The following GPHN variants were observed in gnomAD, a reference collection of about 807,000 sequenced individuals.
The protein encoded by GPHN is gephyrin.
A neutral mutation model predicts 95.5 loss-of-function variants in GPHN; 17 were observed. The ratio of observed to expected loss-of-function variants is 0.18; its 90% CI spans 0.12 to 0.27. The LOEUF (loss-of-function observed/expected upper bound fraction) is 0.27, where lower values mean the gene tolerates loss of function less well. Among genes scored for constraint, GPHN ranks in the 10% least tolerant of loss-of-function variants. GPHN has a pLI of 1.00. For missense variants in GPHN, 660 were observed against 978.1 expected (o/e 0.67, Z 4.34); for synonymous variants, 320 against 322.5 (o/e 0.99, Z 0.08).
chr14:67,620,080 C>T, the GPHN span: 3 of 1,605,508 alleles, frequency 1.9e-6, no homozygotes, highest in Non-Finnish European at 1.7e-6. Flanking sequence ...CCCGTTCTCA[C>T]AAGGGCAGGT....
chr14:67,027,850 C>T lies in GPHN; in HGVS notation c.1006+4175C>T, dbSNP rs189348364. Among the ~76,000 whole-genome samples the T allele has an allele frequency of 1.0e-3, 155 of 152,124 alleles. 1 individual carries two copies. In the Middle Eastern group the frequency reaches 0.017, roughly 17 times the overall value. On this transcript the variant is annotated intron_variant, in intron 10 of 22. Coordinates refer to ENST00000478722, the MANE Select transcript of GPHN (RefSeq NM_020806.5). ...TCAGGGTATTTGGGATATCCATCAC[C>T]TCTTGAGCATTTATCATTTCTTCAT... is the stretch of plus-strand genomic sequence containing the variant.
intron 17 of GPHN, among the ~76,000 whole-genome samples, chr14:67,125,191 A>G (rs993300156): frequency 8.5e-5 from 13 of 152,182 alleles, no homozygotes; most frequent in African/African-American, 2.9e-4. Flanking sequence ...GAAGGGGTCC[A>G]GAGTGAATGG....
chr14:66,572,465 T>C (rs7146587), intron 1 of GPHN, among the ~76,000 whole-genome samples: 47,156 of 151,738 alleles, frequency 0.31, 11,144 homozygotes, highest in African/African-American at 0.63. Flanking sequence ...TTCAATTCCT[T>C]GGTTAAATTT....
chr14:66,944,483 A>G (rs1224165157), intron 8 of GPHN, among the ~76,000 whole-genome samples: 8 of 152,238 alleles, frequency 5.3e-5, no homozygotes, highest in East Asian at 1.9e-4. Context: ...CAGATTGGTT[A>G]CAGCTTAAGG....
the GPHN span, chr14:67,557,336 A>G: frequency 1.9e-6 from 3 of 1,613,858 alleles, no homozygotes; most frequent in East Asian, 4.5e-5. Flanking sequence ...GGGAGCCTGC[A>G]CCGGAAATAC....
At chr14:67,436,162 G>C in the GPHN span, among the ~76,000 whole-genome samples, 4 of 152,204 alleles carry the variant, frequency 2.6e-5, no homozygotes, top group Admixed American at 2.6e-4. Flanking sequence ...CTTCTTGCCA[G>C]TATCTGTGAA....
chr14:66,591,361 A>C (rs921009223), intron 1 of GPHN, among the ~76,000 whole-genome samples: 5 of 152,242 alleles, frequency 3.3e-5, no homozygotes, highest in Non-Finnish European at 7.3e-5. Flanking sequence ...AGAAGACGTC[A>C]GATTGTCTCT....
the GPHN span, chr14:67,393,182 T>C: frequency 3.8e-5 from 61 of 1,613,942 alleles, no homozygotes; most frequent in Non-Finnish European, 5.1e-5. Flanking sequence ...GCTTCCCTGC[T>C]CCATGTTGGG....
intron 2 of GPHN, among the ~76,000 whole-genome samples, chr14:66,734,158 C>T (rs929067164): frequency 6.6e-5 from 10 of 152,194 alleles, no homozygotes; most frequent in African/African-American, 1.7e-4. Flanking sequence ...TTTTATTAAC[C>T]GTAAATCAGA....
At chr14:66,599,385 T>C (rs2062122727) in intron 1 of GPHN, among the ~76,000 whole-genome samples, 1 of 140,184 alleles carries the variant, frequency 7.1e-6, no homozygotes, top group Non-Finnish European at 1.5e-5. Context: ...TTTACATTTT[T>C]TTTTGCATTT....
chr14:67,502,671 CA>C, the GPHN span, among the ~76,000 whole-genome samples: 1 of 151,920 alleles, frequency 6.6e-6, no homozygotes, highest in Non-Finnish European at 1.5e-5. Flanking sequence ...AGGCTGGTCT[CA>C]AACTCCCGAC....
chr14:67,047,722 C>T (rs868668353), intron 10 of GPHN, among the ~76,000 whole-genome samples: 3 of 152,166 alleles, frequency 2.0e-5, no homozygotes, highest in African/African-American at 7.2e-5. Flanking sequence ...TGGTGGCTCA[C>T]ACCTGTAATC....
chr14:67,603,990 T>TTTTTTG, the GPHN span, among the ~76,000 whole-genome samples: 1 of 150,006 alleles, frequency 6.7e-6, no homozygotes, highest in African/African-American at 2.5e-5. Flanking sequence ...CCTGCCCTTG[T>TTTTTTG]TTTTTGTTTT....
intron 1 of GPHN, among the ~76,000 whole-genome samples, chr14:66,535,870 C>T (rs1051183778): frequency 1.3e-5 from 2 of 151,984 alleles, no homozygotes; most frequent in South Asian, 2.1e-4. Flanking sequence ...ATTTCCTATG[C>T]AAACAACCAA....
chr14:66,636,178 A>G (rs1039283676), intron 1 of GPHN, among the ~76,000 whole-genome samples: 7 of 152,166 alleles, frequency 4.6e-5, no homozygotes, highest in Non-Finnish European at 8.8e-5. Context: ...ATTAAGTACA[A>G]TATTGGGACC....
At position 66,922,695 on chromosome 14, in the gene GPHN, A is replaced by G. The variant is rs1381760999; in HGVS notation, c.486A>G (p.Leu162=). 6.8e-6 allele frequency: 11 copies of G among 1,613,662 alleles called. No homozygotes were observed. The highest frequency in any genetic ancestry group is 1.1e-5 in the South Asian group (1 of 91,062). The change falls in exon 7 of 23, where the codon CTA becomes CTG. Residue 162 remains leucine (L), a synonymous_variant. Transcript: ENST00000478722. ...QECFQFILPA[L]PHAIDLLRDA... Reference sequence around the variant, plus strand: ...GCTTTCAATTCATACTGCCAGCTCTACCTCATGCCATTGACCTTTTACGTG... The same window carrying G: ...GCTTTCAATTCATACTGCCAGCTCTGCCTCATGCCATTGACCTTTTACGTG...
At chr14:67,583,625 A>T in the GPHN span, 2 of 704,846 alleles carry the variant, frequency 2.8e-6, no homozygotes, top group Non-Finnish European at 4.5e-6. Context: ...TTTCACAACC[A>T]CTCGCACCCC....
the GPHN span, chr14:67,575,539 TGTCCTGATGA>T: frequency 1.0e-6 from 1 of 967,346 alleles, no homozygotes; most frequent in Admixed American, 2.0e-5. Context: ...TGCCACTCTA[TGTCCTGATGA>T]AAGTCCCTAC....
intron 1 of GPHN, among the ~76,000 whole-genome samples, chr14:66,634,983 T>G (rs2153346466): frequency 6.6e-6 from 1 of 152,344 alleles, no homozygotes; most frequent in Middle Eastern, 3.4e-3. Context: ...GTTGATAGAT[T>G]TGTTTCCATC....
Sources: gnomAD v4.1 joint callset for allele counts (sites outside exome capture counted in the v4.1 genomes callset) on GRCh38, gnomAD v4.1.1 for gene constraint, MANE v1.5 for transcripts, NCBI Gene and HGNC (gene_info 2026-07-23, HGNC 2026-07-21) for gene names.